The following PDE4D variants were observed in gnomAD, a reference collection of about 807,000 sequenced individuals.
PDE4D encodes 3',5'-cyclic-AMP phosphodiesterase 4D.
PDE4D carries 24 observed loss-of-function variants against 87.4 expected under a neutral mutation model. The ratio of observed to expected loss-of-function variants is 0.27; its 90% CI spans 0.20 to 0.39. The LOEUF (loss-of-function observed/expected upper bound fraction) is 0.39. Ranked by LOEUF, PDE4D falls within the 10% of genes least tolerant of loss-of-function variation. The pLI is 1.00. For missense variants in PDE4D, 714 were observed against 1,041.0 expected (o/e 0.69, Z 4.32); for synonymous variants, 384 against 383.2 (o/e 1.00, Z -0.02).
intron 2 of PDE4D, among the ~76,000 whole-genome samples, chr5:60,022,026 T>A (rs1766118493): frequency 1.3e-5 from 2 of 152,156 alleles, no homozygotes; most frequent in South Asian, 4.1e-4. Context: ...TATTGCATGT[T>A]TTTGTGTAAT....
At chr5:59,738,494 T>C (rs1392012534) in intron 1 of PDE4D, among the ~76,000 whole-genome samples, 1 of 152,034 alleles carries the variant, frequency 6.6e-6, no homozygotes, top group African/African-American at 2.4e-5. Flanking sequence ...ACTGTCTCTT[T>C]TGAATACACA....
chr5:60,211,558 TTG>T (rs1203374808), intron 1 of PDE4D, among the ~76,000 whole-genome samples: 1 of 149,610 alleles, frequency 6.7e-6, no homozygotes, highest in African/African-American at 2.4e-5. Flanking sequence ...GTTTTATATA[TTG>T]TGTTTATTAC....
chr5:60,291,594 C>G (rs1752902135), intron 1 of PDE4D, among the ~76,000 whole-genome samples: 1 of 151,522 alleles, frequency 6.6e-6, no homozygotes, highest in Non-Finnish European at 1.5e-5. Context: ...CCCTAAAAGA[C>G]AAAGGCCTGA....
chr5:60,219,961 G>A (rs533191901), intron 1 of PDE4D, among the ~76,000 whole-genome samples: 142 of 152,270 alleles, frequency 9.3e-4, no homozygotes, highest in African/African-American at 3.3e-3. Context: ...AGCTCATCTT[G>A]TCCTAGATAA....
intron 1 of PDE4D, among the ~76,000 whole-genome samples, chr5:59,374,963 A>G (rs1784475978): frequency 1.3e-5 from 2 of 152,236 alleles, no homozygotes; most frequent in African/African-American, 4.8e-5. Context: ...AAAAGCAGAA[A>G]TCAATAAGGT....
intron 1 of PDE4D, among the ~76,000 whole-genome samples, chr5:59,572,832 T>C (rs1381367718): frequency 6.6e-6 from 1 of 152,236 alleles, no homozygotes; most frequent in Non-Finnish European, 1.5e-5. Flanking sequence ...CAAAGAACTT[T>C]CAAATATACT....
chr5:59,580,118 G>C (rs2153699556), intron 1 of PDE4D, among the ~76,000 whole-genome samples: 1 of 152,262 alleles, frequency 6.6e-6, no homozygotes, highest in Non-Finnish European at 1.5e-5. Flanking sequence ...TTTTCAAAAA[G>C]ATCCATAAAC....
At chr5:60,403,724 C>T (rs1245349133) in intron 1 of PDE4D, among the ~76,000 whole-genome samples, 1 of 152,236 alleles carries the variant, frequency 6.6e-6, no homozygotes, top group Non-Finnish European at 1.5e-5. Flanking sequence ...TAAGCCCAGT[C>T]TGCTGTACTC....
intron 1 of PDE4D, among the ~76,000 whole-genome samples, chr5:59,809,709 A>G (rs1358462485): frequency 6.6e-5 from 10 of 152,168 alleles, no homozygotes; most frequent in Non-Finnish European, 1.5e-4. Context: ...TCATTAATCT[A>G]TTGATGAAAA....
chr5:59,232,978 T>A (rs1755573009), intron 1 of PDE4D, among the ~76,000 whole-genome samples: 1 of 151,776 alleles, frequency 6.6e-6, no homozygotes, highest in Non-Finnish European at 1.5e-5. Context: ...CATAAGTGGG[T>A]GCTAAAAAAA....
intron 1 of PDE4D, among the ~76,000 whole-genome samples, chr5:59,332,297 T>C (rs556477817): frequency 6.6e-6 from 1 of 152,298 alleles, no homozygotes; most frequent in East Asian, 1.9e-4. Context: ...ACAATATGTA[T>C]GTATATACTT....
At chr5:59,271,460 TA>T (rs1193481958) in intron 1 of PDE4D, among the ~76,000 whole-genome samples, 61 of 152,276 alleles carry the variant, frequency 4.0e-4, no homozygotes, top group African/African-American at 1.4e-3. Flanking sequence ...ATAATGGGGT[TA>T]ATGGGTTATT....
At chr5:59,337,646 A>G (rs40328) in intron 1 of PDE4D, among the ~76,000 whole-genome samples, 52,772 of 151,998 alleles carry the variant, frequency 0.35, 10,306 homozygotes, top group South Asian at 0.46. Flanking sequence ...GAGAGAATAT[A>G]CAGCTACCAA....
chr5:60,281,276 C>T (rs896321391), intron 1 of PDE4D, among the ~76,000 whole-genome samples: 1 of 152,180 alleles, frequency 6.6e-6, no homozygotes, highest in Non-Finnish European at 1.5e-5. Context: ...AAGAAAGTAC[C>T]TCAAAACCAC....
chr5:59,081,922 T>C (rs1192180479), intron 5 of PDE4D, among the ~76,000 whole-genome samples: 3 of 152,140 alleles, frequency 2.0e-5, no homozygotes, highest in Admixed American at 6.6e-5. Context: ...GTTTCCCCCA[T>C]GCTGTTCTCA....
intron 1 of PDE4D, among the ~76,000 whole-genome samples, chr5:59,225,991 A>T (rs1023307970): frequency 7.4e-6 from 1 of 135,470 alleles, no homozygotes; most frequent in African/African-American, 2.7e-5. Context: ...GGCCATTATT[A>T]AAAAAAAAAA....
intron 1 of PDE4D, among the ~76,000 whole-genome samples, chr5:59,296,096 C>A (rs180752443): frequency 5.3e-5 from 8 of 152,010 alleles, no homozygotes; most frequent in African/African-American, 1.9e-4. Flanking sequence ...ATCTGACTGG[C>A]CTAACAAAAC....
At chr5:59,484,441 G>A (rs1227669852) in intron 1 of PDE4D, among the ~76,000 whole-genome samples, 1 of 152,158 alleles carries the variant, frequency 6.6e-6, no homozygotes. Context: ...TCATTTGAGT[G>A]TCTGTGCCTA....
intron 1 of PDE4D, among the ~76,000 whole-genome samples, chr5:59,408,207 T>G (rs1463201368): frequency 6.6e-6 from 1 of 152,200 alleles, no homozygotes; most frequent in Non-Finnish European, 1.5e-5. Flanking sequence ...ACTGTCTACC[T>G]CAGGAGGCTG....
Sources: allele counts gnomAD v4.1 joint callset (sites outside exome capture counted in the v4.1 genomes callset), GRCh38; gene constraint gnomAD v4.1.1; transcripts MANE v1.5; gene names NCBI Gene and HGNC (gene_info 2026-07-23, HGNC 2026-07-21).